Variants in NOVA2 observed in about 807,000 individuals in gnomAD.
NOVA2 encodes RNA-binding protein Nova-2.
In NOVA2, 9 loss-of-function variants were observed where a neutral mutation model predicts 22.5. The ratio of observed to expected loss-of-function variants is 0.40; its 90% CI spans 0.24 to 0.70. NOVA2 has a LOEUF of 0.70. Among genes scored for constraint, NOVA2 ranks in the 30% least tolerant of loss-of-function variants. NOVA2 has a pLI of 0.38. For missense variants in NOVA2, 383 were observed against 682.8 expected (o/e 0.56, Z 4.89); for synonymous variants, 318 against 335.2 (o/e 0.95, Z 0.56).
At chr19:45,961,369 G>T (rs184476409) in intron 1 of NOVA2, among the ~76,000 whole-genome samples, 2 of 152,178 alleles carry the variant, frequency 1.3e-5, no homozygotes, top group Non-Finnish European at 2.9e-5. Flanking sequence ...AATAGACAAA[G>T]CTCCCCGATT....
intron 3 of NOVA2, among the ~76,000 whole-genome samples, chr19:45,951,292 T>C (rs1399563512): frequency 1.3e-5 from 2 of 151,588 alleles, no homozygotes; most frequent in Admixed American, 6.6e-5. Flanking sequence ...GCCCGCAACA[T>C]GGTGAAATCC....
chr19:45,945,836 T>C (rs1331086424), intron 3 of NOVA2, among the ~76,000 whole-genome samples: 1 of 149,856 alleles, frequency 6.7e-6, no homozygotes, highest in Admixed American at 6.6e-5. Flanking sequence ...ATTATTATTA[T>C]TATTTTTTTT....
chr19:45,973,191 C>CG, intron 1 of NOVA2, 76 bp downstream of exon 1: 2 of 736,036 alleles, frequency 2.7e-6, no homozygotes, highest in East Asian at 7.2e-5. Context: ...GCACCTGCCA[C>CG]GGGAGGGGGG....
rs1600614955 is a variant in NOVA2, at chr19:45,960,919, G to A, written c.229+91C>T. On this transcript the variant is annotated intron_variant, in intron 2 of 3. Transcript: ENST00000263257. The stretch of plus-strand genomic sequence containing the variant: ...CCCCACCACTGTCACTGTCCTTAGG[G>A]CAGACCTTCCCCCTCATCTAGGGCC... 49 of 1,348,088 alleles carry A rather than the reference G, an allele frequency of 3.6e-5. No individual in the cohort carries two copies. In the South Asian group the frequency reaches 5.6e-4, roughly 15 times the overall value. 83.5% of individuals were successfully genotyped at this position (1,348,088 alleles called of 1,614,324 possible).
chr19:45,958,416 GTGAGTGTGAA>G (rs935087577), intron 2 of NOVA2, among the ~76,000 whole-genome samples: 2 of 151,376 alleles, frequency 1.3e-5, no homozygotes, highest in Non-Finnish European at 2.9e-5. Context: ...TGGGGTGTGT[GTGAGTGTGAA>G]TGAGTGTGAG....
intron 1 of NOVA2, among the ~76,000 whole-genome samples, chr19:45,964,625 A>G (rs1056053601): frequency 1.4e-5 from 2 of 145,014 alleles, no homozygotes; most frequent in African/African-American, 2.6e-5. Flanking sequence ...CAGTGGTGCC[A>G]TCACAGCTCA....
At chr19:45,947,556 C>A (rs1600602592) in intron 3 of NOVA2, among the ~76,000 whole-genome samples, 1 of 151,872 alleles carries the variant, frequency 6.6e-6, no homozygotes, top group East Asian at 1.9e-4. Flanking sequence ...TCACTGCAAC[C>A]TCCGTCTTCC....
chr19:45,964,310 G>C (rs1968139191), intron 1 of NOVA2, among the ~76,000 whole-genome samples: 1 of 149,874 alleles, frequency 6.7e-6, no homozygotes, highest in South Asian at 2.1e-4. Flanking sequence ...CTGCGGAGTA[G>C]CTGGGATTAC....
rs1048325773 is a variant in NOVA2, at chr19:45,936,354, C to CT, written c.*3508dup. On this transcript the variant is annotated 3_prime_UTR_variant, in exon 4 of 4. Coordinates refer to ENST00000263257, the MANE Select transcript of NOVA2 (RefSeq NM_002516.4). ...GATAGGGGTAAGTTGAAAAGGAGAG[C>CT]TTTTTTCTGTCTTTTTTTTTTTTTC... 6.6e-6 allele frequency: 1 copy of CT among 150,808 alleles called. No individual in the cohort carries two copies. Among genetic ancestry groups the CT allele is most frequent in the Non-Finnish European group, 1.5e-5 (1 of 67,778 alleles). 9.3% of individuals were successfully genotyped at this position (150,808 alleles called of 1,614,324 possible).
intron 3 of NOVA2, among the ~76,000 whole-genome samples, chr19:45,943,662 G>A (rs918203856): frequency 6.6e-6 from 1 of 151,348 alleles, no homozygotes; most frequent in African/African-American, 2.4e-5. Context: ...AGGCTACAGT[G>A]AGCTGTAATT....
At chr19:45,942,323 G>T (rs1967772715) in intron 3 of NOVA2, among the ~76,000 whole-genome samples, 2 of 152,162 alleles carry the variant, frequency 1.3e-5, no homozygotes, top group South Asian at 2.1e-4. Flanking sequence ...AAGCAGAGGA[G>T]ATTAGGACAC....
chr19:45,934,381 T>C lies in NOVA2; in HGVS notation c.*5482A>G, dbSNP rs1020904895. On this transcript the variant is annotated 3_prime_UTR_variant, in exon 4 of 4. Transcript: ENST00000263257. ...ATCTCACTGAGGCTCCTCAGGGAAA[T>C]TGGAGGATGAATCCATTTCACAGAA... The C allele has an allele frequency of 8.5e-5, 13 of 152,216 alleles. No homozygotes were observed. The highest frequency in any genetic ancestry group is 2.9e-4 in the African/African-American group (12 of 41,432). The allele number at this position is 152,216 out of a possible 1,614,324, so 9.4% of individuals were successfully genotyped here.
chr19:45,973,243 C>A, intron 1 of NOVA2, 24 bp downstream of exon 1: 1 of 1,431,426 alleles, frequency 7.0e-7, no homozygotes, highest in Non-Finnish European at 9.2e-7. Context: ...CGCTCCCCCG[C>A]CCCGAGCCGC....
chr19:45,946,003 T>A (rs1268753510), intron 3 of NOVA2, among the ~76,000 whole-genome samples: 136 of 97,792 alleles, frequency 1.4e-3, no homozygotes, highest in East Asian at 1.5e-3. Flanking sequence ...AGACTCCATC[T>A]AAAAAAAAAA....
intron 1 of NOVA2, among the ~76,000 whole-genome samples, chr19:45,968,117 G>A (rs542556340): frequency 2.8e-4 from 42 of 152,272 alleles, no homozygotes; most frequent in Non-Finnish European, 4.6e-4. Flanking sequence ...TAAAGCTGAA[G>A]GGGTGTGGGT....
intron 3 of NOVA2, among the ~76,000 whole-genome samples, chr19:45,941,178 G>A (rs1411801281): frequency 6.6e-6 from 1 of 151,882 alleles, no homozygotes; most frequent in African/African-American, 2.4e-5. Flanking sequence ...TGTAATCCCA[G>A]CTACTCAGGA....
intron 1 of NOVA2, among the ~76,000 whole-genome samples, chr19:45,971,005 G>A (rs1413491586): frequency 2.0e-5 from 3 of 152,104 alleles, no homozygotes; most frequent in African/African-American, 7.2e-5. Context: ...TTACGTCCAG[G>A]AGCTCCGGAA....
intron 2 of NOVA2, among the ~76,000 whole-genome samples, chr19:45,955,174 G>C (rs1600609353): frequency 6.6e-6 from 1 of 152,106 alleles, no homozygotes; most frequent in Non-Finnish European, 1.5e-5. Context: ...TTTGAGACTG[G>C]ATGGCAGTGT....
intron 1 of NOVA2, among the ~76,000 whole-genome samples, chr19:45,967,149 T>A (rs1239008199): frequency 6.6e-6 from 1 of 152,082 alleles, no homozygotes; most frequent in Non-Finnish European, 1.5e-5. Context: ...CTGTAGAGAC[T>A]CAGCACTTGA....
Sources: gnomAD v4.1 joint callset for allele counts (sites outside exome capture counted in the v4.1 genomes callset) on GRCh38, gnomAD v4.1.1 for gene constraint, MANE v1.5 for transcripts, NCBI Gene and HGNC (gene_info 2026-07-23, HGNC 2026-07-21) for gene names.